ZC3H8: variants seen among roughly 807,000 people sequenced by gnomAD.
The protein encoded by ZC3H8 is zinc finger CCCH-type containing 8, also known as zinc finger CCCH domain-containing protein 8.
Under a neutral mutation model 42.5 loss-of-function variants are expected in ZC3H8, and 27 were observed. The observed-to-expected ratio is 0.64, with a 90% CI of 0.47 to 0.88. The LOEUF is 0.88. ZC3H8 is among the 40% of genes least tolerant of loss of function. ZC3H8 has a pLI of 0.00. For synonymous variants in ZC3H8, 101 were observed against 110.1 expected, an observed-to-expected ratio of 0.92 and a Z score of 0.52; for missense variants, 277 against 336.1, an observed-to-expected ratio of 0.82 and a Z score of 1.37.
rs769733045 is a variant in ZC3H8, at chr2:112,238,487, T to C, written c.198A>G (p.Arg66=). The C allele has an allele frequency of 8.1e-6, 13 of 1,612,216 alleles. No individual in the cohort carries two copies. In the East Asian group the frequency reaches 2.9e-4, roughly 36 times the overall value. Residue 66 remains arginine (R), a synonymous_variant, in exon 3 of 9, where the codon AGA becomes AGG. Coordinates refer to ENST00000409573, the MANE Select transcript of ZC3H8 (RefSeq NM_032494.3). ...CATCATAGTCCTTACTTCTTGATTT[T>C]CTATGCAGCGAACTTTTTGGTGATA... The part of the protein sequence containing the change: ...SAISPKSSLH[R]KSRSKDYDVY...
chr2:112,249,973 CAAT>C (rs1685891316), intron 2 of ZC3H8: 4 of 367,708 alleles, frequency 1.1e-5, no homozygotes, highest in Non-Finnish European at 1.9e-5. Flanking sequence ...TGTTAAATGA[CAAT>C]AAAGTTATTA....
chr2:112,226,357 G>T (rs570592420), intron 8 of ZC3H8, among the ~76,000 whole-genome samples: 28 of 152,102 alleles, frequency 1.8e-4, no homozygotes, highest in African/African-American at 6.5e-4. Context: ...GGGAGGCTGA[G>T]GCGGGCAGAT....
At chr2:112,233,934 C>T (rs1208793513) in intron 5 of ZC3H8, among the ~76,000 whole-genome samples, 186 bp downstream of exon 5, 1 of 152,106 alleles carries the variant, frequency 6.6e-6, no homozygotes, top group Non-Finnish European at 1.5e-5. Context: ...CGTCGGCCTC[C>T]CAAACTGCTG....
At chr2:112,239,827 C>T (rs189191969) in intron 2 of ZC3H8, among the ~76,000 whole-genome samples, 5 of 152,234 alleles carry the variant, frequency 3.3e-5, no homozygotes, top group Admixed American at 6.5e-5. Flanking sequence ...TCAAGTGATC[C>T]GCCTGCCTCG....
chr2:112,250,152 C>A, intron 2 of ZC3H8, 39 bp downstream of exon 2: 1 of 1,443,966 alleles, frequency 6.9e-7, no homozygotes, highest in Non-Finnish European at 9.3e-7. Context: ...AAAAAAAAAT[C>A]TGCGTTTTCA....
At chr2:112,230,854 G>A in intron 8 of ZC3H8, 49 bp downstream of exon 8, 1 of 1,216,528 alleles carries the variant, frequency 8.2e-7, no homozygotes. Flanking sequence ...GCCAACTTCT[G>A]GAGATGTTCA....
chr2:112,231,921 T>C lies in ZC3H8; in HGVS notation c.760A>G (p.Thr254Ala). The C allele has an allele frequency of 6.3e-7, 1 of 1,583,656 alleles. No individual in the cohort carries two copies. Among genetic ancestry groups the C allele is most frequent in the Non-Finnish European group, 8.6e-7 (1 of 1,160,520 alleles). Residue 254 changes from threonine (T) to alanine (A), a missense_variant, in exon 7 of 9, where the codon ACA (threonine) becomes GCA (alanine). By Grantham distance (58) the Thr-to-Ala change is moderately conservative. Transcript: ENST00000409573. Reference sequence around the variant, plus strand: ...TCTCCCTGATAACATTTTGTTCCTGTATGGTAAAACTTACAAGGATATTCA... The same window carrying C: ...TCTCCCTGATAACATTTTGTTCCTGCATGGTAAAACTTACAAGGATATTCA... ...HNEYPCKFYH[T>A]GTKCYQGEYC...
chr2:112,240,989 G>A (rs889784804), intron 2 of ZC3H8, among the ~76,000 whole-genome samples: 3 of 127,516 alleles, frequency 2.4e-5, no homozygotes, highest in Non-Finnish European at 3.6e-5. Context: ...GTGTGTGCGC[G>A]TGTGTATGTG....
intron 3 of ZC3H8, 104 bp from the exon 4 acceptor site, chr2:112,236,799 C>T (rs1002366968): frequency 3.7e-6 from 4 of 1,073,506 alleles, no homozygotes; most frequent in South Asian, 1.6e-5. Context: ...GTAATCCCAG[C>T]TCTTTGGGAG....
chr2:112,231,143 TA>T (rs1558923457), intron 7 of ZC3H8, among the ~76,000 whole-genome samples, 193 bp from the exon 8 acceptor site: 1 of 152,116 alleles, frequency 6.6e-6, no homozygotes, highest in African/African-American at 2.4e-5. Flanking sequence ...TTCACACAAA[TA>T]AACAACTAAA....
At position 112,214,844 on chromosome 2, in the gene ZC3H8, C is replaced by A. The variant is rs1022063045; in HGVS notation, c.*1640G>T. 2.0e-5 allele frequency: 3 copies of A among 152,154 alleles called. No individual in the cohort carries two copies. Among genetic ancestry groups the A allele is most frequent in the African/African-American group, 7.2e-5 (3 of 41,428 alleles). The allele number at this position is 152,154 out of a possible 1,614,324, so 9.4% of individuals were successfully genotyped here. On this transcript the variant is annotated 3_prime_UTR_variant, in exon 9 of 9. Coordinates refer to ENST00000409573, the MANE Select transcript of ZC3H8 (RefSeq NM_032494.3). ...ACACAGGACACATTCATGAGAATCT[C>A]TGTCTCCTAACTTGATTCAACACAA...
intron 8 of ZC3H8, among the ~76,000 whole-genome samples, chr2:112,218,101 T>C (rs1312309555): frequency 2.0e-5 from 3 of 152,232 alleles, no homozygotes; most frequent in Admixed American, 2.0e-4. Context: ...AAACAACTCA[T>C]TCAGCTTGCA....
At chr2:112,232,098 C>T (rs1685119167) in intron 6 of ZC3H8, among the ~76,000 whole-genome samples, 151 bp from the exon 7 acceptor site, 1 of 152,030 alleles carries the variant, frequency 6.6e-6, no homozygotes, top group Non-Finnish European at 1.5e-5. Flanking sequence ...TCACTTGAGG[C>T]CAGGAGTTCA....
intron 2 of ZC3H8, among the ~76,000 whole-genome samples, chr2:112,245,919 C>T (rs756716920): frequency 3.3e-5 from 5 of 152,154 alleles, no homozygotes; most frequent in Non-Finnish European, 5.9e-5. Context: ...TAAATTTATA[C>T]AAATAAAATA....
At chr2:112,234,807 A>C (rs1465934929) in intron 4 of ZC3H8, among the ~76,000 whole-genome samples, 2 of 150,590 alleles carry the variant, frequency 1.3e-5, no homozygotes, top group Admixed American at 6.6e-5. Context: ...CTCAGGGAGA[A>C]AAAAAAAAAA....
intron 3 of ZC3H8, among the ~76,000 whole-genome samples, chr2:112,236,924 T>C (rs568387146): frequency 6.6e-6 from 1 of 152,034 alleles, no homozygotes; most frequent in Non-Finnish European, 1.5e-5. Context: ...GGTGTGGTGG[T>C]GCACGCCTGT....
chr2:112,214,318 T>G lies in ZC3H8; in HGVS notation c.*2166A>C, dbSNP rs1274625998. 1 of 152,176 alleles carries G rather than the reference T, an allele frequency of 6.6e-6. No individual in the cohort carries two copies. Among genetic ancestry groups the G allele is most frequent in the Non-Finnish European group, 1.5e-5 (1 of 68,038 alleles). The allele number at this position is 152,176 out of a possible 1,614,324, so 9.4% of individuals were successfully genotyped here. A position where few individuals can be genotyped will look rare whatever the true frequency, so the allele number is the denominator to read the frequency against. ...TTTCTGGTATTGAGAGGTAAGTAGT[T>G]GATCACTTTATCCCGTTTGCTTTGG... is the stretch of plus-strand genomic sequence containing the variant. On this transcript the variant is annotated 3_prime_UTR_variant, in exon 9 of 9. Transcript: ENST00000409573.
chr2:112,243,820 A>T (rs1162472303), intron 2 of ZC3H8, among the ~76,000 whole-genome samples: 1 of 152,184 alleles, frequency 6.6e-6, no homozygotes, highest in East Asian at 1.9e-4. Context: ...AAAGCAAGAA[A>T]ATAACTGAAA....
intron 8 of ZC3H8, 82 bp downstream of exon 8, chr2:112,230,821 T>C: frequency 1.2e-6 from 1 of 855,566 alleles, no homozygotes; most frequent in Middle Eastern, 2.6e-4. Context: ...TACTTCTATT[T>C]GAGAACCCTA....
Sources: gnomAD v4.1 joint callset for allele counts (sites outside exome capture counted in the v4.1 genomes callset) on GRCh38, gnomAD v4.1.1 for gene constraint, MANE v1.5 for transcripts, NCBI Gene and HGNC (gene_info 2026-07-23, HGNC 2026-07-21) for gene names.